Variants in AGAP1 observed in about 807,000 individuals in gnomAD.
AGAP1 encodes the protein ArfGAP with GTPase domain, ankyrin repeat and PH domain 1.
Under a neutral mutation model 105.3 loss-of-function variants are expected in AGAP1, and 29 were observed. That is an observed-to-expected ratio of 0.28 (90% CI 0.21 to 0.38). The LOEUF is 0.38. Ranked by LOEUF, AGAP1 falls within the 10% of genes least tolerant of loss-of-function variation. The pLI, the probability that AGAP1 is intolerant of heterozygous loss-of-function variation, is 1.00. For missense variants in AGAP1, 998 were observed against 1,165.1 expected, an observed-to-expected ratio of 0.86 and a Z score of 2.09; for synonymous variants, 509 against 485.9, an observed-to-expected ratio of 1.05 and a Z score of -0.63.
At chr2:235,526,205 T>C (rs1209192009) in intron 1 of AGAP1, among the ~76,000 whole-genome samples, 1 of 152,016 alleles carries the variant, frequency 6.6e-6, no homozygotes, top group Non-Finnish European at 1.5e-5. Context: ...ATTTATAAAG[T>C]AGAGGACTGA....
intron 9 of AGAP1, among the ~76,000 whole-genome samples, chr2:235,861,369 C>T (rs2048920974): frequency 6.6e-6 from 1 of 152,198 alleles, no homozygotes. Flanking sequence ...ACTGCTGTGC[C>T]TTTCATCCAG....
intron 1 of AGAP1, among the ~76,000 whole-genome samples, chr2:235,681,455 C>T (rs575463977): frequency 2.0e-5 from 3 of 152,308 alleles, no homozygotes; most frequent in African/African-American, 7.2e-5. Flanking sequence ...GTCACCTTTC[C>T]TCCAGCTGGT....
intron 1 of AGAP1, among the ~76,000 whole-genome samples, chr2:235,649,414 C>G (rs1397798593): frequency 6.6e-6 from 1 of 152,220 alleles, no homozygotes; most frequent in Non-Finnish European, 1.5e-5. Flanking sequence ...CACTCTACTG[C>G]TCAGGCTGGG....
chr2:235,831,384 G>T (rs1021260858), intron 9 of AGAP1, among the ~76,000 whole-genome samples: 1 of 152,054 alleles, frequency 6.6e-6, no homozygotes, highest in Non-Finnish European at 1.5e-5. Flanking sequence ...TGTGAATCTG[G>T]ACAAATGTAT....
rs918759932 is a variant in AGAP1, at chr2:235,586,943, G to A, written c.163+92094G>A. ...CTCACGTGTGTAACCAGATCAAGAG[G>A]CAGAATATTACTAGGGTGGCAGTTT... On this transcript the variant is annotated intron_variant, in intron 1 of 17. Transcript: ENST00000304032. This position sits in a 1 kb window ranked among gnomAD's most constrained non-coding sequence, Gnocchi z 4.2. 6.6e-6 allele frequency among the ~76,000 whole-genome samples: 1 copy of A among 152,192 alleles called. No homozygotes were observed. Among genetic ancestry groups the A allele is most frequent in the African/African-American group, 2.4e-5 (1 of 41,464 alleles).
In AGAP1 at chr2:236,058,005, C is replaced by T. The variant is rs1257459960; in HGVS notation, c.2114+8724C>T. On this transcript the variant is annotated intron_variant, in intron 16 of 17. Coordinates refer to ENST00000304032, the MANE Select transcript of AGAP1 (RefSeq NM_001037131.3). This position sits in a 1 kb window ranked among gnomAD's most constrained non-coding sequence, Gnocchi z 4.6. Reference sequence around the variant, plus strand: ...GAAGATGTGGCCCATGTTTATTTTGCTTTGTATGTATATAATGGTTTATTG... The same window carrying T: ...GAAGATGTGGCCCATGTTTATTTTGTTTTGTATGTATATAATGGTTTATTG... 2.0e-5 allele frequency among the ~76,000 whole-genome samples: 3 copies of T among 152,018 alleles called. No individual in the cohort carries two copies. Among genetic ancestry groups the T allele is most frequent in the Non-Finnish European group, 4.4e-5 (3 of 67,998 alleles).
intron 1 of AGAP1, among the ~76,000 whole-genome samples, chr2:235,680,323 G>A (rs1282621688): frequency 6.6e-5 from 10 of 152,198 alleles, no homozygotes. Flanking sequence ...GAAGTGTTGG[G>A]CCTGAGCCCT....
At position 236,003,823 on chromosome 2, in the gene AGAP1, A is replaced by G. The variant is rs190410593; in HGVS notation, c.1646-32738A>G. 6.6e-6 allele frequency among the ~76,000 whole-genome samples: 1 copy of G among 151,830 alleles called. No individual in the cohort carries two copies. The highest frequency in any genetic ancestry group is 6.6e-5 in the Admixed American group (1 of 15,248). ...TCTGGAAGTTTGCATGTCCTACACT[A>G]TCTATAAATATGTAACTTTTTTTCC... On this transcript the variant is annotated intron_variant, in intron 13 of 17. Coordinates refer to ENST00000304032, the MANE Select transcript of AGAP1 (RefSeq NM_001037131.3). The surrounding 1 kb of genome is among the most constrained non-coding windows in gnomAD (Gnocchi z 4.2).
chr2:235,704,963 TTTTTTC>T (rs1258099459), intron 1 of AGAP1, among the ~76,000 whole-genome samples: 9 of 54,256 alleles, frequency 1.7e-4, no homozygotes, highest in African/African-American at 4.7e-4. Context: ...TACAAGATGC[TTTTTTC>T]TTTTTTTTTT....
In AGAP1 at chr2:235,696,611, A is replaced by C. The variant is rs536125400; in HGVS notation, c.164-12568A>C. ...CCCAGGAGGCTGATTAGATTTGCTG[A>C]GCATTACAACCTGATGGGCAGGATT... On this transcript the variant is annotated intron_variant, in intron 1 of 17. Coordinates refer to ENST00000304032, the MANE Select transcript of AGAP1 (RefSeq NM_001037131.3). Among the ~76,000 whole-genome samples the C allele has an allele frequency of 1.3e-3, 192 of 152,310 alleles. 1 individual carries two copies. The highest frequency in any genetic ancestry group is 4.5e-3 in the African/African-American group (186 of 41,552).
At position 235,690,355 on chromosome 2, in the gene AGAP1, G is replaced by T. The variant is rs1451654592; in HGVS notation, c.164-18824G>T. On this transcript the variant is annotated intron_variant, in intron 1 of 17. Transcript: ENST00000304032. This position sits in a 1 kb window ranked among gnomAD's most constrained non-coding sequence, Gnocchi z 4.1. The stretch of plus-strand genomic sequence containing the variant: ...GGGCTGGGGAGGCCGTGCCCTGGGG[G>T]CAGGTGCAGGAGGGAGCCTGGCTCT... 6.6e-6 allele frequency among the ~76,000 whole-genome samples: 1 copy of T among 152,170 alleles called. No individual in the cohort carries two copies. The highest frequency in any genetic ancestry group is 1.9e-4 in the East Asian group (1 of 5,188).
rs568453461 is a variant in AGAP1, at chr2:235,596,499, G to T, written c.163+101650G>T. On this transcript the variant is annotated intron_variant, in intron 1 of 17. Coordinates refer to ENST00000304032, the MANE Select transcript of AGAP1 (RefSeq NM_001037131.3). This position sits in a 1 kb window ranked among gnomAD's most constrained non-coding sequence, Gnocchi z 5.9. ...AGGCAAGGTGGACCTGAGAGTCTGT[G>T]TTTCTGGTGAGCCACAGGTAGCACC... is the stretch of plus-strand genomic sequence containing the variant. 7.9e-5 allele frequency among the ~76,000 whole-genome samples: 12 copies of T among 152,318 alleles called. No individual in the cohort carries two copies. In the East Asian group the frequency reaches 2.1e-3, roughly 27 times the overall value.
chr2:235,806,660 C>T (rs1299117728), intron 8 of AGAP1, among the ~76,000 whole-genome samples: 4 of 151,854 alleles, frequency 2.6e-5, no homozygotes, highest in African/African-American at 9.7e-5. Context: ...GGTTTTTTTT[C>T]CCCTTCATTA....
chr2:235,717,701 C>G, intron 3 of AGAP1, 57 bp downstream of exon 3: 1 of 1,440,098 alleles, frequency 6.9e-7, no homozygotes, highest in Admixed American at 2.1e-5. Context: ...AAAATTTTTC[C>G]TTAGCATATT....
At chr2:236,091,562 G>A (rs535402488) in intron 16 of AGAP1, among the ~76,000 whole-genome samples, 12 of 152,242 alleles carry the variant, frequency 7.9e-5, no homozygotes, top group East Asian at 7.7e-4. Flanking sequence ...CTTGAGCCAC[G>A]AGAGTTCAAG....
intron 16 of AGAP1, among the ~76,000 whole-genome samples, chr2:236,112,387 C>G (rs1022910417): frequency 2.6e-5 from 4 of 151,928 alleles, no homozygotes; most frequent in Middle Eastern, 3.4e-3. Context: ...CTGCACTCCA[C>G]CCTGGGTGGC....
chr2:236,099,266 CAG>C (rs1190383858), intron 16 of AGAP1, among the ~76,000 whole-genome samples: 1 of 151,962 alleles, frequency 6.6e-6, no homozygotes, highest in Non-Finnish European at 1.5e-5. Context: ...TCCTGACTAA[CAG>C]GGTGAAACCC....
At chr2:235,528,305 A>G (rs1942920330) in intron 1 of AGAP1, among the ~76,000 whole-genome samples, 1 of 149,480 alleles carries the variant, frequency 6.7e-6, no homozygotes, top group Non-Finnish European at 1.5e-5. Flanking sequence ...AAATTCTTTC[A>G]CCCCAGCAAG....
At position 235,792,241 on chromosome 2, in the gene AGAP1, G is replaced by A. The variant is rs114947234; in HGVS notation, c.674-5518G>A. 0.023 allele frequency among the ~76,000 whole-genome samples: 3,438 copies of A among 152,128 alleles called. 142 individuals carry two copies. Among genetic ancestry groups the A allele is most frequent in the African/African-American group, 0.079 (3,277 of 41,478 alleles). ...TCTTCAGTGTCACTGCAATCTATAC[G>A]CTTTCTCTGTGTCTTCCTTAGTTCT... On this transcript the variant is annotated intron_variant, in intron 6 of 17. Coordinates refer to ENST00000304032, the MANE Select transcript of AGAP1 (RefSeq NM_001037131.3). The surrounding 1 kb of genome is among the most constrained non-coding windows in gnomAD (Gnocchi z 5.3).
Sources: allele counts gnomAD v4.1 joint callset (sites outside exome capture counted in the v4.1 genomes callset), GRCh38; gene constraint gnomAD v4.1.1; non-coding constraint Gnocchi (gnomAD v3.1); transcripts MANE v1.5; gene names NCBI Gene and HGNC (gene_info 2026-07-23, HGNC 2026-07-21).